PDE7A: variants seen among roughly 807,000 people sequenced by gnomAD.
PDE7A encodes the protein phosphodiesterase 7A, also known as high affinity 3',5'-cyclic-AMP phosphodiesterase 7A.
PDE7A carries 39 observed loss-of-function variants against 64.3 expected under a neutral mutation model. The ratio of observed to expected loss-of-function variants is 0.61; its 90% CI spans 0.47 to 0.79. The LOEUF (loss-of-function observed/expected upper bound fraction) is 0.79. Ranked by LOEUF, PDE7A falls within the 30% of genes least tolerant of loss-of-function variation. The probability of loss-of-function intolerance (pLI) is 0.00; values close to 1 mark genes in which losing one functional copy is unlikely to be tolerated. For synonymous variants in PDE7A, 203 were observed against 206.8 expected (o/e 0.98, Z 0.16); for missense variants, 470 against 582.8 (o/e 0.81, Z 1.99).
chr8:65,815,715 T>C (rs141494327), intron 1 of PDE7A, among the ~76,000 whole-genome samples: 17 of 149,348 alleles, frequency 1.1e-4, no homozygotes, highest in African/African-American at 3.6e-4. Context: ...GATCCATTGA[T>C]AGAATAATGG....
At position 65,724,670 on chromosome 8, in the gene PDE7A, C is replaced by T. The variant is rs992920348; in HGVS notation, c.1065+107G>A. The stretch of plus-strand genomic sequence containing the variant: ...TAATTGAAGGAAATTCTTTAGCTTG[C>T]CCTCAAGATTTAACCATTCTGAAAA... On this transcript the variant is annotated intron_variant, in intron 10 of 12. Coordinates refer to ENST00000401827, the MANE Select transcript of PDE7A (RefSeq NM_001242318.3). 6.3e-6 allele frequency: 6 copies of T among 945,318 alleles called. No homozygotes were observed. The African/African-American group carries it at 1.0e-4, about 16-fold the overall frequency. The allele number at this position is 945,318 out of a possible 1,614,324, so 58.6% of individuals were successfully genotyped here.
Position 65,759,384 on chromosome 8 carries a change from C to T in PDE7A, c.284-11581G>A, listed in dbSNP as rs184790509. On this transcript the variant is annotated intron_variant, in intron 3 of 12. Transcript: ENST00000401827. ...CATCTGCATCAGTCCCTCAGGGATC[C>T]GCCAGAATGACGAGAACACCAAGGT... is the stretch of plus-strand genomic sequence containing the variant. Among the ~76,000 whole-genome samples the T allele has an allele frequency of 1.2e-4, 18 of 152,322 alleles. No individual in the cohort carries two copies. The East Asian group carries it at 2.1e-3, about 18-fold the overall frequency.
chr8:65,745,352 A>G, intron 5 of PDE7A, 55 bp downstream of exon 5: 1 of 986,322 alleles, frequency 1.0e-6, no homozygotes, highest in East Asian at 2.4e-5. Context: ...CGGCTGCACC[A>G]TCAATGCAGT....
rs1412108341 is a variant in PDE7A at position 65,739,576 on chromosome 8, G to A, written c.521C>T (p.Thr174Ile). 2 of 1,548,544 alleles carry A rather than the reference G, an allele frequency of 1.3e-6. No homozygotes were observed. Among genetic ancestry groups the A allele is most frequent in the Non-Finnish European group, 1.7e-6 (2 of 1,153,438 alleles). ...LTNGNSLVSL[T>I]FHLFSLHGLI... is the part of the protein sequence containing the mutation. ...TCCATGAAGACTAAATAAATGAAAG[G>A]TTAAGCTTACTAGACTATTTCCTAA... Residue 174 changes from threonine to isoleucine, a missense_variant, in exon 6 of 13, where the codon ACC becomes ATC. Thr to Ile is a moderately conservative substitution (Grantham distance 89). Coordinates refer to ENST00000401827, the MANE Select transcript of PDE7A (RefSeq NM_001242318.3).
chr8:65,766,934 T>C (rs1332054593), intron 3 of PDE7A, among the ~76,000 whole-genome samples: 1 of 152,138 alleles, frequency 6.6e-6, no homozygotes, highest in Non-Finnish European at 1.5e-5. Flanking sequence ...TCTCAATGGG[T>C]CTTGGAAAAG....
At chr8:65,763,013 G>A (rs1275699892) in intron 3 of PDE7A, among the ~76,000 whole-genome samples, 1 of 150,920 alleles carries the variant, frequency 6.6e-6, no homozygotes, top group East Asian at 2.0e-4. Context: ...GTGTGTGTGT[G>A]TGTGTGTGTG....
intron 1 of PDE7A, among the ~76,000 whole-genome samples, chr8:65,821,267 A>G (rs1422109498): frequency 6.6e-6 from 1 of 152,180 alleles, no homozygotes; most frequent in East Asian, 1.9e-4. Context: ...CAGACCTAAA[A>G]AGCTTTATGA....
At chr8:65,768,483 T>C (rs1808912801) in intron 3 of PDE7A, among the ~76,000 whole-genome samples, 1 of 152,230 alleles carries the variant, frequency 6.6e-6, no homozygotes, top group African/African-American at 2.4e-5. Context: ...TCTGCTGCCA[T>C]GTGAGATGTG....
At chr8:65,746,709 C>G (rs924899570) in intron 4 of PDE7A, among the ~76,000 whole-genome samples, 2 of 152,078 alleles carry the variant, frequency 1.3e-5, no homozygotes, top group African/African-American at 4.8e-5. Flanking sequence ...TATAACAGTA[C>G]TAATAACAAC....
At chr8:65,820,997 A>G (rs1038297792) in intron 1 of PDE7A, among the ~76,000 whole-genome samples, 4 of 152,202 alleles carry the variant, frequency 2.6e-5, no homozygotes, top group Non-Finnish European at 5.9e-5. Flanking sequence ...ATTATAAAAC[A>G]TGGGTCCTCT....
chr8:65,779,638 TTC>T, intron 3 of PDE7A, 80 bp downstream of exon 3: 1 of 723,458 alleles, frequency 1.4e-6, no homozygotes, highest in Non-Finnish European at 2.3e-6. Context: ...TTTTCTGGTA[TTC>T]TTTTTCCCTT....
rs1338526726 is a variant in PDE7A, at chr8:65,718,242, A to G, written c.*1048T>C. ...GCTTACATTTCAAATCTTTGCCCAC[A>G]TGGAGAAACATAACATGCACAGTCA... On this transcript the variant is annotated 3_prime_UTR_variant, in exon 13 of 13. Coordinates refer to ENST00000401827, the MANE Select transcript of PDE7A (RefSeq NM_001242318.3). 1.3e-5 allele frequency: 2 copies of G among 152,254 alleles called. No individual in the cohort carries two copies. The highest frequency in any genetic ancestry group is 2.9e-5 in the Non-Finnish European group (2 of 68,052). 9.4% of individuals were successfully genotyped at this position (152,254 alleles called of 1,614,324 possible). A position where few individuals can be genotyped will look rare whatever the true frequency, so the allele number is the denominator to read the frequency against.
intron 8 of PDE7A, 37 bp from the exon 9 acceptor site, chr8:65,727,003 C>T (rs369464826): frequency 3.0e-5 from 36 of 1,182,660 alleles, no homozygotes; most frequent in South Asian, 1.4e-4. Context: ...CTTAATGATA[C>T]GTCTCTTTCT....
chr8:65,787,791 A>G lies in PDE7A; in HGVS notation c.139-4948T>C, dbSNP rs187346592. 3.6e-3 allele frequency among the ~76,000 whole-genome samples: 544 copies of G among 151,200 alleles called. 2 individuals carry two copies. The highest frequency in any genetic ancestry group is 0.012 in the African/African-American group (478 of 40,726). On this transcript the variant is annotated intron_variant, in intron 1 of 12. Transcript: ENST00000401827. ...GACCTCATCTCTACAGGGGGGGGAA[A>G]AAAAAAAAGTAAAGTCTCTGAAAAC... is the stretch of plus-strand genomic sequence containing the variant.
Position 65,770,537 on chromosome 8 carries a change from T to C in PDE7A, c.283+9183A>G, listed in dbSNP as rs565923504. 2.1e-4 allele frequency among the ~76,000 whole-genome samples: 32 copies of C among 152,342 alleles called. 1 individual carries two copies. The highest frequency in any genetic ancestry group is 1.5e-5 in the Non-Finnish European group (1 of 68,024). On this transcript the variant is annotated intron_variant, in intron 3 of 12. Transcript: ENST00000401827. Reference sequence around the variant, plus strand: ...CCCCTCCCAGAACACATGGGAATTATGGAAGCTACAATTCAAGATGAGATT... The same window carrying C: ...CCCCTCCCAGAACACATGGGAATTACGGAAGCTACAATTCAAGATGAGATT...
intron 12 of PDE7A, 132 bp from the exon 13 acceptor site, chr8:65,719,627 G>C: frequency 1.5e-6 from 1 of 648,302 alleles, no homozygotes; most frequent in Non-Finnish European, 2.7e-6. Flanking sequence ...AAAGATTCCT[G>C]TGTATGTGTA....
intron 1 of PDE7A, among the ~76,000 whole-genome samples, chr8:65,804,968 T>C (rs193091092): frequency 1.4e-4 from 21 of 152,310 alleles, no homozygotes; most frequent in Admixed American, 1.4e-3. Flanking sequence ...TCCTCTCAAG[T>C]AGCTGAGGTC....
At chr8:65,726,334 T>A (rs1262640832) in intron 9 of PDE7A, among the ~76,000 whole-genome samples, 2 of 152,116 alleles carry the variant, frequency 1.3e-5, no homozygotes, top group Non-Finnish European at 2.9e-5. Context: ...CCATTTATTT[T>A]TTTTTCCTAA....
chr8:65,762,451 G>T (rs1034603287), intron 3 of PDE7A, among the ~76,000 whole-genome samples: 4 of 152,176 alleles, frequency 2.6e-5, no homozygotes, highest in African/African-American at 9.7e-5. Context: ...AAGTACATGA[G>T]AACACAGGGG....
Sources: gnomAD v4.1 joint callset for allele counts (sites outside exome capture counted in the v4.1 genomes callset) on GRCh38, gnomAD v4.1.1 for gene constraint, MANE v1.5 for transcripts, NCBI Gene and HGNC (gene_info 2026-07-23, HGNC 2026-07-21) for gene names.